The following PRKCA variants were observed in gnomAD, a reference collection of about 807,000 sequenced individuals.
PRKCA encodes the protein protein kinase C alpha type.
A neutral mutation model predicts 87.0 loss-of-function variants in PRKCA; 27 were observed. That is an observed-to-expected ratio of 0.31 (90% CI 0.23 to 0.43). The LOEUF is 0.43. PRKCA is among the 20% of genes least tolerant of loss of function. PRKCA has a pLI of 1.00. For synonymous variants in PRKCA, 329 were observed against 311.1 expected (o/e 1.06, Z -0.61); for missense variants, 518 against 852.3 (o/e 0.61, Z 4.88).
At chr17:66,509,174 G>GTGTA (rs1555612345) in intron 3 of PRKCA, among the ~76,000 whole-genome samples, 1 of 120,986 alleles carries the variant, frequency 8.3e-6, no homozygotes, top group Admixed American at 9.6e-5. Context: ...GTGTGTGTGT[G>GTGTA]TGTATGTGTG....
At chr17:66,460,673 G>A (rs569071774) in intron 2 of PRKCA, among the ~76,000 whole-genome samples, 2 of 152,256 alleles carry the variant, frequency 1.3e-5, no homozygotes, top group African/African-American at 4.8e-5. Flanking sequence ...TGGGTTTTGT[G>A]CCAACCTGCC....
intron 5 of PRKCA, among the ~76,000 whole-genome samples, chr17:66,674,597 A>G (rs1242039702): frequency 6.6e-6 from 1 of 152,194 alleles, no homozygotes; most frequent in Non-Finnish European, 1.5e-5. Context: ...GGGCCAGAAG[A>G]CGGAGCGTCA....
At chr17:66,459,088 A>G (rs1914714684) in intron 2 of PRKCA, among the ~76,000 whole-genome samples, 1 of 152,110 alleles carries the variant, frequency 6.6e-6, no homozygotes, top group African/African-American at 2.4e-5. Flanking sequence ...AAAAAGGGAT[A>G]ATGATTGAGC....
At chr17:66,548,363 C>T (rs1000604904) in intron 3 of PRKCA, among the ~76,000 whole-genome samples, 2 of 152,068 alleles carry the variant, frequency 1.3e-5, no homozygotes, top group Admixed American at 6.6e-5. Context: ...CATCTCCTGC[C>T]GCCTCCCTCC....
At chr17:66,348,414 C>G (rs771114054) in intron 2 of PRKCA, among the ~76,000 whole-genome samples, 8 of 152,176 alleles carry the variant, frequency 5.3e-5, no homozygotes, top group Non-Finnish European at 8.8e-5. Flanking sequence ...CACCATTGCT[C>G]TTGCACCATC....
At chr17:66,332,229 CTT>C (rs59302970) in intron 2 of PRKCA, among the ~76,000 whole-genome samples, 55 of 129,848 alleles carry the variant, frequency 4.2e-4, no homozygotes, top group Admixed American at 5.5e-4. Context: ...TTCCTTCCTT[CTT>C]TTTTTTTTTT....
intron 2 of PRKCA, among the ~76,000 whole-genome samples, chr17:66,365,738 A>C (rs1394706862): frequency 6.6e-6 from 1 of 152,226 alleles, no homozygotes; most frequent in Non-Finnish European, 1.5e-5. Context: ...AGACGTATGA[A>C]TGTTTAATAC....
intron 8 of PRKCA, among the ~76,000 whole-genome samples, chr17:66,707,730 C>A (rs1489303723): frequency 2.0e-5 from 3 of 152,224 alleles, no homozygotes; most frequent in Non-Finnish European, 2.9e-5. Flanking sequence ...GGATATGAGA[C>A]CTTGTACCTT....
intron 3 of PRKCA, among the ~76,000 whole-genome samples, chr17:66,502,811 C>T (rs916958290): frequency 1.1e-4 from 17 of 152,118 alleles, no homozygotes; most frequent in Non-Finnish European, 2.2e-4. Flanking sequence ...CATTCCACCA[C>T]ACCTGGCTAA....
intron 3 of PRKCA, among the ~76,000 whole-genome samples, chr17:66,561,112 C>A (rs1248512594): frequency 6.6e-6 from 1 of 152,210 alleles, no homozygotes; most frequent in Non-Finnish European, 1.5e-5. Context: ...CAAAACATAT[C>A]ATTTTAAATG....
chr17:66,411,896 CCTTA>C (rs1911829236), intron 2 of PRKCA, among the ~76,000 whole-genome samples: 1 of 151,864 alleles, frequency 6.6e-6, no homozygotes, highest in Admixed American at 6.6e-5. Context: ...ATTAAAAAAA[CCTTA>C]CTTTTTATTA....
intron 3 of PRKCA, among the ~76,000 whole-genome samples, chr17:66,556,323 C>T (rs370597284): frequency 1.8e-4 from 23 of 128,964 alleles, no homozygotes; most frequent in South Asian, 7.4e-4. Context: ...CTTTCTTCTT[C>T]TTTTTTTTTT....
At chr17:66,367,512 C>G (rs1437453113) in intron 2 of PRKCA, among the ~76,000 whole-genome samples, 1 of 152,218 alleles carries the variant, frequency 6.6e-6, no homozygotes, top group Non-Finnish European at 1.5e-5. Context: ...GTTTGGAACT[C>G]TGCTATTTCT....
chr17:66,564,279 A>G (rs1026685628), intron 3 of PRKCA, among the ~76,000 whole-genome samples: 1 of 152,092 alleles, frequency 6.6e-6, no homozygotes, highest in Non-Finnish European at 1.5e-5. Context: ...AGGTTTCACC[A>G]TGTTGGTCAG....
chr17:66,542,816 A>G (rs1343852098), intron 3 of PRKCA, among the ~76,000 whole-genome samples: 6 of 152,210 alleles, frequency 3.9e-5, no homozygotes, highest in Non-Finnish European at 7.3e-5. Context: ...CTGGATTCAA[A>G]TTATATTTGA....
At chr17:66,696,219 C>G (rs1972918338) in intron 8 of PRKCA, among the ~76,000 whole-genome samples, 1 of 152,202 alleles carries the variant, frequency 6.6e-6, no homozygotes, top group Non-Finnish European at 1.5e-5. Context: ...GTGTTGGACC[C>G]AGACTTCTAG....
intron 2 of PRKCA, among the ~76,000 whole-genome samples, chr17:66,471,904 C>G (rs1006242216): frequency 3.3e-5 from 5 of 152,126 alleles, no homozygotes; most frequent in Non-Finnish European, 5.9e-5. Context: ...TATTTAAGTA[C>G]TATAAAATAT....
intron 2 of PRKCA, among the ~76,000 whole-genome samples, chr17:66,391,640 T>G (rs191951944): frequency 6.6e-6 from 1 of 152,328 alleles, no homozygotes; most frequent in East Asian, 1.9e-4. Flanking sequence ...TTTTTTACTT[T>G]ATTGGACAAG....
At chr17:66,510,535 C>G (rs1313057591) in intron 3 of PRKCA, among the ~76,000 whole-genome samples, 1 of 152,098 alleles carries the variant, frequency 6.6e-6, no homozygotes, top group African/African-American at 2.4e-5. Flanking sequence ...AATTGCAATT[C>G]AAAAGGGAGA....
Sources: allele counts gnomAD v4.1 joint callset (sites outside exome capture counted in the v4.1 genomes callset), GRCh38; gene constraint gnomAD v4.1.1; transcripts MANE v1.5; gene names NCBI Gene and HGNC (gene_info 2026-07-23, HGNC 2026-07-21).